CETN3: variants seen among roughly 807,000 people sequenced by gnomAD.
CETN3 encodes the protein centrin 3, also known as centrin-3.
In CETN3, 17 loss-of-function variants were observed where a neutral mutation model predicts 20.1. The ratio of observed to expected loss-of-function variants is 0.85; its 90% confidence interval spans 0.58 to 1.27. CETN3 has a LOEUF of 1.27. Among genes scored for constraint, CETN3 ranks in the 50% most tolerant of loss-of-function variants. The pLI is 0.00. For synonymous variants in CETN3, 52 were observed against 59.7 expected, an observed-to-expected ratio of 0.87 and a Z score of 0.59; for missense variants, 169 against 191.2, an observed-to-expected ratio of 0.88 and a Z score of 0.69.
At position 90,392,693 on chromosome 5, in the gene CETN3, A is replaced by G. The variant is rs1305843282; in HGVS notation, c.*1371T>C. On this transcript the variant is annotated 3_prime_UTR_variant, in exon 5 of 5. Transcript: ENST00000283122. Reference sequence around the variant, plus strand: ...AGGCCTCCCCAAAAGCAGAAGCACCATGCTTCCTGTAAAGCCTGCAGAACC... The same window carrying G: ...AGGCCTCCCCAAAAGCAGAAGCACCGTGCTTCCTGTAAAGCCTGCAGAACC... 2 of 152,244 alleles carry G rather than the reference A, an allele frequency of 1.3e-5. No individual in the cohort carries two copies. Among genetic ancestry groups the G allele is most frequent in the Non-Finnish European group, 2.9e-5 (2 of 68,052 alleles). The allele number at this position is 152,244 out of a possible 1,614,324, so 9.4% of individuals were successfully genotyped here.
In CETN3 at chr5:90,394,189, G is replaced by A. The variant is rs562698481; in HGVS notation, c.461-82C>T. Reference sequence around the variant, plus strand: ...ATCCACGACTACCATTTTACACTAAGTATTTAAAAAATTTTACATTATGCA... The same window carrying A: ...ATCCACGACTACCATTTTACACTAAATATTTAAAAAATTTTACATTATGCA... On this transcript the variant is annotated intron_variant, in intron 4 of 4. Transcript: ENST00000283122. 4.6e-5 allele frequency: 42 copies of A among 919,434 alleles called. No homozygotes were observed. The African/African-American group carries it at 6.3e-4, about 14-fold the overall frequency. 57.0% of individuals were successfully genotyped at this position (919,434 alleles called of 1,614,324 possible). A position where few individuals can be genotyped will look rare whatever the true frequency, so the allele number is the denominator to read the frequency against.
chr5:90,406,960 A>ATAGTTCC (rs1369575432), intron 2 of CETN3, among the ~76,000 whole-genome samples: 2 of 151,964 alleles, frequency 1.3e-5, no homozygotes, highest in African/African-American at 4.8e-5. Flanking sequence ...CTGTCACTGC[A>ATAGTTCC]TAGTTCCTAT....
At chr5:90,405,034 A>G (rs1749399262) in intron 3 of CETN3, among the ~76,000 whole-genome samples, 2 of 152,208 alleles carry the variant, frequency 1.3e-5, no homozygotes, top group Non-Finnish European at 2.9e-5. Flanking sequence ...CAACTATAAA[A>G]AAATTTAGCC....
chr5:90,398,850 G>T (rs1292650956), intron 4 of CETN3, among the ~76,000 whole-genome samples: 1 of 152,206 alleles, frequency 6.6e-6, no homozygotes, highest in African/African-American at 2.4e-5. Context: ...GACACTACAA[G>T]AGACTGCAAA....
At chr5:90,394,137 G>C in intron 4 of CETN3, 30 bp from the exon 5 acceptor site, 18 of 1,426,204 alleles carry the variant, frequency 1.3e-5, no homozygotes, top group Non-Finnish European at 1.7e-5. Flanking sequence ...GAAATAGTCA[G>C]AAATATAAAC....
At chr5:90,407,897 C>A in intron 1 of CETN3, 63 bp from the exon 2 acceptor site, 3 of 1,307,936 alleles carry the variant, frequency 2.3e-6, no homozygotes, top group Non-Finnish European at 3.1e-6. Flanking sequence ...AGAAATTAGC[C>A]AATAATTACC....
rs751200712 is a variant in CETN3, at chr5:90,409,734, G to C, written c.-73C>G. ...TACCCAAGGCAGCAAGACGCCCACA[G>C]CCGTTCAACAGACACGAACGACCTC... On this transcript the variant is annotated 5_prime_UTR_variant, in exon 1 of 5. Transcript: ENST00000283122. The C allele has an allele frequency of 3.7e-5, 59 of 1,580,802 alleles. No individual in the cohort carries two copies. Among genetic ancestry groups the C allele is most frequent in the African/African-American group, 1.1e-4 (8 of 74,246 alleles).
chr5:90,409,512 C>G (rs1580166717), intron 1 of CETN3, 133 bp downstream of exon 1: 1 of 1,041,156 alleles, frequency 9.6e-7, no homozygotes, highest in Non-Finnish European at 1.5e-6. Flanking sequence ...GGCAGGCTGC[C>G]CTAGGCTCCT....
chr5:90,395,878 T>G (rs1749126560), intron 4 of CETN3: 1 of 898,784 alleles, frequency 1.1e-6, no homozygotes, highest in Non-Finnish European at 1.3e-6. Context: ...ATGAAAAGAA[T>G]ATATACTGCA....
At chr5:90,398,882 G>A (rs1311435042) in intron 4 of CETN3, among the ~76,000 whole-genome samples, 2 of 152,192 alleles carry the variant, frequency 1.3e-5, no homozygotes, top group African/African-American at 4.8e-5. Flanking sequence ...AACCACATCT[G>A]CCTTTTTCAT....
rs910829813 is a variant in CETN3, at chr5:90,405,573, C to T, written c.268+112G>A. On this transcript the variant is annotated intron_variant, in intron 3 of 4. Coordinates refer to ENST00000283122, the MANE Select transcript of CETN3 (RefSeq NM_004365.4). The stretch of plus-strand genomic sequence containing the variant: ...AACTGAGTAAGAGTCACATTATACA[C>T]CAGTGTTCTATAAGAAAATTCCATA... 4.3e-6 allele frequency: 3 copies of T among 702,966 alleles called. No individual in the cohort carries two copies. In the East Asian group the frequency reaches 8.3e-5, roughly 19 times the overall value. The allele number at this position is 702,966 out of a possible 1,614,324, so 43.5% of individuals were successfully genotyped here.
chr5:90,401,786 T>C (rs1749298059), intron 3 of CETN3, among the ~76,000 whole-genome samples: 1 of 152,196 alleles, frequency 6.6e-6, no homozygotes, highest in Non-Finnish European at 1.5e-5. Flanking sequence ...TTGAAAAGCA[T>C]AAATCATTTT....
intron 2 of CETN3, among the ~76,000 whole-genome samples, chr5:90,406,417 T>A (rs1749442518): frequency 1.3e-5 from 2 of 151,358 alleles, no homozygotes; most frequent in African/African-American, 4.9e-5. Context: ...CTGAAACGAA[T>A]AGGTTCGAAG....
At chr5:90,409,611 G>T in intron 1 of CETN3, 34 bp downstream of exon 1, 4 of 1,613,378 alleles carry the variant, frequency 2.5e-6, no homozygotes, top group Non-Finnish European at 3.4e-6. Flanking sequence ...CCGCTCCGGG[G>T]TGTGGAGAGC....
At chr5:90,396,383 G>T in intron 4 of CETN3, 1 of 1,399,254 alleles carries the variant, frequency 7.1e-7, no homozygotes, top group Non-Finnish European at 9.3e-7. Context: ...TTTAACCTTT[G>T]CAGTTAAATA....
At chr5:90,396,476 G>A (rs1189628735) in intron 4 of CETN3, 1 of 1,528,638 alleles carries the variant, frequency 6.5e-7, no homozygotes. Context: ...TTATTAATCA[G>A]TTTAGCCAGT....
chr5:90,406,194 A>G (rs140595467), intron 2 of CETN3, among the ~76,000 whole-genome samples: 1 of 152,238 alleles, frequency 6.6e-6, no homozygotes, highest in African/African-American at 2.4e-5. Flanking sequence ...AACAAGAATT[A>G]TCATCAGTCT....
In CETN3 at chr5:90,409,627, C is replaced by A; in HGVS notation, c.17+18G>T. 6.2e-7 allele frequency: 1 copy of A among 1,614,018 alleles called. No homozygotes were observed. The highest frequency in any genetic ancestry group is 8.5e-7 in the Non-Finnish European group (1 of 1,179,960). On this transcript the variant is annotated intron_variant, in intron 1 of 4. Transcript: ENST00000283122. ...CGCTCCGGGGTGTGGAGAGCACTGC[C>A]GCCTCCTTATTACCGACCTCAGAGC...
chr5:90,397,502 G>A (rs1213478487), intron 4 of CETN3, among the ~76,000 whole-genome samples: 4 of 151,982 alleles, frequency 2.6e-5, no homozygotes, highest in Admixed American at 1.3e-4. Flanking sequence ...CTAACAATAA[G>A]AATTTTACAG....
Sources: gnomAD v4.1 joint callset for allele counts (sites outside exome capture counted in the v4.1 genomes callset) on GRCh38, gnomAD v4.1.1 for gene constraint, MANE v1.5 for transcripts, NCBI Gene and HGNC (gene_info 2026-07-23, HGNC 2026-07-21) for gene names.